OR9Q1: variants seen among roughly 807,000 people sequenced by gnomAD.
OR9Q1 encodes olfactory receptor family 9 subfamily Q member 1.
For synonymous variants in OR9Q1, 153 were observed against 148.6 expected, an observed-to-expected ratio of 1.03 and a Z score of -0.22; for missense variants, 374 against 378.8, an observed-to-expected ratio of 0.99 and a Z score of 0.11.
At chr11:58,117,368 G>A (rs552486293) in intron 2 of OR9Q1, 1 of 152,036 alleles carries the variant, frequency 6.6e-6, no homozygotes, top group Non-Finnish European at 1.5e-5. Context: ...TGTATACTCC[G>A]AGTACTCTTT....
At chr11:58,177,166 T>C (rs1295744169) in intron 2 of OR9Q1, among the ~76,000 whole-genome samples, 1 of 152,218 alleles carries the variant, frequency 6.6e-6, no homozygotes, top group Non-Finnish European at 1.5e-5. Flanking sequence ...CCAAAGAACT[T>C]ACTGTTAGCT....
intron 2 of OR9Q1, among the ~76,000 whole-genome samples, chr11:58,122,821 T>C (rs1021219592): frequency 6.6e-6 from 1 of 152,190 alleles, no homozygotes; most frequent in African/African-American, 2.4e-5. Flanking sequence ...TCTTTTCATA[T>C]TTATTTAGAA....
intron 2 of OR9Q1, among the ~76,000 whole-genome samples, chr11:58,136,953 C>T (rs1854195001): frequency 1.3e-5 from 2 of 152,256 alleles, no homozygotes; most frequent in South Asian, 2.1e-4. Context: ...TGAGCATCTG[C>T]CTTTTTCTGT....
intron 1 of OR9Q1, among the ~76,000 whole-genome samples, chr11:58,053,631 T>TTATATATATATA (rs1554965499): frequency 1.0e-4 from 3 of 29,394 alleles, no homozygotes; most frequent in Admixed American, 3.5e-4. Context: ...ATATATAAAA[T>TTATATATATATA]ATATATATAT....
intron 2 of OR9Q1, among the ~76,000 whole-genome samples, chr11:58,165,467 C>T (rs900396370): frequency 2.6e-5 from 4 of 152,216 alleles, no homozygotes; most frequent in African/African-American, 9.6e-5. Context: ...ATTTACTGAG[C>T]TGTTCTCTGA....
intron 2 of OR9Q1, among the ~76,000 whole-genome samples, chr11:58,160,659 A>G (rs1162200994): frequency 6.6e-6 from 1 of 152,108 alleles, no homozygotes; most frequent in African/African-American, 2.4e-5. Flanking sequence ...TTTGGTAGAG[A>G]TGGGGTCTTG....
intron 1 of OR9Q1, among the ~76,000 whole-genome samples, chr11:58,029,557 A>G (rs1460500606): frequency 6.6e-6 from 1 of 152,168 alleles, no homozygotes; most frequent in Non-Finnish European, 1.5e-5. Context: ...TGGAGATATT[A>G]TATTTTCTCA....
At chr11:58,159,007 T>C (rs1854434175) in intron 2 of OR9Q1, among the ~76,000 whole-genome samples, 1 of 152,236 alleles carries the variant, frequency 6.6e-6, no homozygotes, top group Non-Finnish European at 1.5e-5. Context: ...TGAGATTCTT[T>C]CCAGTCCTTA....
chr11:58,102,153 A>G (rs967818339), intron 2 of OR9Q1, among the ~76,000 whole-genome samples: 1 of 152,130 alleles, frequency 6.6e-6, no homozygotes, highest in South Asian at 2.1e-4. Context: ...ATACTTTTTA[A>G]TTAGATAATT....
intron 2 of OR9Q1, among the ~76,000 whole-genome samples, chr11:58,150,059 AG>A (rs1299418709): frequency 1.3e-5 from 2 of 152,172 alleles, no homozygotes; most frequent in African/African-American, 4.8e-5. Flanking sequence ...TTTTCACAGC[AG>A]CTGCACCGTT....
rs1426790489 is a variant in OR9Q1 at position 58,098,394 on chromosome 11, AAT to A, written c.-15+42450_-15+42451del. Among the ~76,000 whole-genome samples the A allele has an allele frequency of 7.2e-5, 11 of 152,314 alleles. No homozygotes were observed. In the East Asian group the frequency reaches 2.1e-3, roughly 29 times the overall value. ...CAAATTTTTTTGTCATGCTAGTTAC[AAT>A]ATCTCATATTTTATGATATCAATAG... On this transcript the variant is annotated intron_variant, in intron 2 of 2. Coordinates refer to ENST00000335397, the MANE Select transcript of OR9Q1 (RefSeq NM_001005212.4).
chr11:58,044,153 A>T (rs1853193632), intron 1 of OR9Q1: 1 of 152,210 alleles, frequency 6.6e-6, no homozygotes, highest in Admixed American at 6.5e-5. Context: ...AATGGCTTTA[A>T]TGTAGCATCT....
intron 1 of OR9Q1, among the ~76,000 whole-genome samples, chr11:58,042,721 A>G (rs1350483106): frequency 2.6e-5 from 4 of 152,202 alleles, no homozygotes; most frequent in South Asian, 4.1e-4. Flanking sequence ...CATTGAATCT[A>G]TAAATGACCT....
chr11:58,037,390 T>G (rs1853110022), intron 1 of OR9Q1, among the ~76,000 whole-genome samples: 1 of 151,948 alleles, frequency 6.6e-6, no homozygotes, highest in African/African-American at 2.4e-5. Flanking sequence ...ACCCACAATA[T>G]GTCTGGGGTA....
chr11:58,151,693 C>A (rs886165285), intron 2 of OR9Q1, among the ~76,000 whole-genome samples: 7 of 152,090 alleles, frequency 4.6e-5, no homozygotes, highest in East Asian at 1.9e-4. Flanking sequence ...TGTACACAAC[C>A]AGTCCTTACT....
chr11:58,175,563 A>G (rs1854598783), intron 2 of OR9Q1, among the ~76,000 whole-genome samples: 1 of 152,184 alleles, frequency 6.6e-6, no homozygotes, highest in Non-Finnish European at 1.5e-5. Context: ...TACTATTCCC[A>G]TAGTACTGTA....
At chr11:58,061,181 C>T (rs1171074156) in intron 2 of OR9Q1, among the ~76,000 whole-genome samples, 2 of 152,156 alleles carry the variant, frequency 1.3e-5, no homozygotes, top group African/African-American at 4.8e-5. Context: ...CCCAGCCTAC[C>T]ATAAGGAAGC....
At chr11:58,151,798 A>T (rs1240533137) in intron 2 of OR9Q1, among the ~76,000 whole-genome samples, 1 of 151,952 alleles carries the variant, frequency 6.6e-6, no homozygotes, top group Non-Finnish European at 1.5e-5. Flanking sequence ...AACCTTGCAC[A>T]CAGAATTACC....
At chr11:58,096,696 A>T (rs1236211347) in intron 2 of OR9Q1, among the ~76,000 whole-genome samples, 2 of 119,786 alleles carry the variant, frequency 1.7e-5, no homozygotes, top group Non-Finnish European at 3.5e-5. Context: ...TTTTTTTGAG[A>T]CAGTCTCTTT....
Sources: gnomAD v4.1 joint callset for allele counts (sites outside exome capture counted in the v4.1 genomes callset) on GRCh38, gnomAD v4.1.1 for gene constraint, MANE v1.5 for transcripts, NCBI Gene and HGNC (gene_info 2026-07-23, HGNC 2026-07-21) for gene names.